Variants in RBM12 observed in about 807,000 individuals in gnomAD.
RBM12 encodes RNA-binding protein 12.
Under a neutral mutation model 37.2 loss-of-function variants are expected in RBM12, and 24 were observed. That is an observed-to-expected ratio of 0.65 (90% CI 0.47 to 0.91). The LOEUF (loss-of-function observed/expected upper bound fraction) is 0.91. Ranked by LOEUF, RBM12 falls within the 40% of genes least tolerant of loss-of-function variation. RBM12 has a pLI of 0.00. For missense variants in RBM12, 1,061 were observed against 1,183.2 expected (o/e 0.90, Z 1.52); for synonymous variants, 420 against 425.2 (o/e 0.99, Z 0.15).
At position 35,652,899 on chromosome 20, in the gene RBM12, G is replaced by A; in HGVS notation, c.2424C>T (p.Gly808=). 1 of 1,613,646 alleles carries A rather than the reference G, an allele frequency of 6.2e-7. No individual in the cohort carries two copies. The highest frequency in any genetic ancestry group is 8.5e-7 in the Non-Finnish European group (1 of 1,179,970). The change falls in exon 3 of 3, where the codon GGC becomes GGT. Residue 808 remains glycine, a synonymous_variant. Transcript: ENST00000374114. ...CAGGGGCACTTCCAAGACCAGGAGG[G>A]CCACTTCCAAACCCCGGGGGACCGC... is the stretch of plus-strand genomic sequence containing the variant. ...SLGGPPGFGS[G]PPGLGSAPGH... is the part of the protein sequence containing the mutation.
At chr20:35,659,134 A>G (rs1275110460) in intron 1 of RBM12, 120 bp from the exon 2 acceptor site, 2 of 378,544 alleles carry the variant, frequency 5.3e-6, no homozygotes, top group African/African-American at 2.3e-5. Flanking sequence ...ATTAGAATGC[A>G]TATCAAAAAA....
intron 1 of RBM12, 95 bp downstream of exon 1, chr20:35,664,665 G>C (rs949510151): frequency 6.6e-6 from 1 of 152,412 alleles, no homozygotes; most frequent in African/African-American, 2.4e-5. Context: ...TAGTTGCCGC[G>C]GGCTCGAAGG....
In RBM12 at chr20:35,654,672, C is replaced by T; in HGVS notation, c.651G>A (p.Leu217=). The T allele has an allele frequency of 1.9e-6, 3 of 1,613,366 alleles. No homozygotes were observed. The highest frequency in any genetic ancestry group is 2.5e-6 in the Non-Finnish European group (3 of 1,179,462). ...PIPVPPPVPT[L]PPVPPVPPIP... is the part of the protein sequence containing the mutation. ...TCGGGGGCACAGGAGGCACAGGAGG[C>T]AATGTAGGTACTGGAGGAGGAACTG... is the stretch of plus-strand genomic sequence containing the variant. Residue 217 remains leucine, a synonymous_variant, in exon 3 of 3, where the codon TTG becomes TTA. Coordinates refer to ENST00000374114, the MANE Select transcript of RBM12 (RefSeq NM_006047.6).
intron 1 of RBM12, among the ~76,000 whole-genome samples, chr20:35,662,754 G>T (rs2034303446): frequency 6.6e-6 from 1 of 152,174 alleles, no homozygotes; most frequent in African/African-American, 2.4e-5. Context: ...CACACCTAAA[G>T]ACTGTACTAA....
rs954139420 is a variant in RBM12, at chr20:35,650,145, G to C, written c.*2379C>G. ...TAAATCTCAGATACACAAAAATCAA[G>C]TTCCAGAGGGCAAAGCATTTAATTA... On this transcript the variant is annotated 3_prime_UTR_variant, in exon 3 of 3. Coordinates refer to ENST00000374114, the MANE Select transcript of RBM12 (RefSeq NM_006047.6). The C allele has an allele frequency of 1.3e-5, 2 of 152,546 alleles. No homozygotes were observed. The highest frequency in any genetic ancestry group is 2.9e-5 in the Non-Finnish European group (2 of 67,988). 9.4% of individuals were successfully genotyped at this position (152,546 alleles called of 1,614,324 possible).
At position 35,652,535 on chromosome 20, in the gene RBM12, C is replaced by G. The variant is rs746733758; in HGVS notation, c.2788G>C (p.Val930Leu). Residue 930 changes from valine to leucine, a missense_variant, in exon 3 of 3, where the codon GTA (valine) becomes CTA (leucine). This residue lies in a region of RBM12 where 517 missense variants were observed against 534.0 expected (regional missense o/e 0.97). Transcript: ENST00000374114. The stretch of plus-strand genomic sequence containing the variant: ...AATGATGTGAATGGCTACCCTAATA[C>G]AAGTTTTACTTTTCTTGAACCTATA... Reference protein sequence around the residue: ...RPIGSRKVKLVLG With the variant: ...RPIGSRKVKLLLG 13 of 1,610,202 alleles carry G rather than the reference C, an allele frequency of 8.1e-6. No homozygotes were observed.
At chr20:35,658,802 A>AACACACAC (rs10542710) in intron 2 of RBM12, 128 bp downstream of exon 2, 256 of 473,544 alleles carry the variant, frequency 5.4e-4, no homozygotes, top group African/African-American at 1.6e-3. Context: ...AGCAAACAAA[A>AACACACAC]ACACACACAC....
At chr20:35,663,654 C>T (rs1479885624) in intron 1 of RBM12, among the ~76,000 whole-genome samples, 1 of 152,162 alleles carries the variant, frequency 6.6e-6, no homozygotes, top group Non-Finnish European at 1.5e-5. Context: ...TGACACCACG[C>T]AGATGAGTAA....
rs912712495 is a variant in RBM12 at position 35,649,498 on chromosome 20, C to T, written c.*3026G>A. 3.9e-5 allele frequency: 6 copies of T among 152,550 alleles called. No individual in the cohort carries two copies. Among genetic ancestry groups the T allele is most frequent in the Non-Finnish European group, 5.9e-5 (4 of 68,016 alleles). 9.4% of individuals were successfully genotyped at this position (152,550 alleles called of 1,614,324 possible). Reference sequence around the variant, plus strand: ...GAAATTTTAAATAAAGTTTCCTAATCGAATTTTCATTGTTGATGCTTTGAC... The same window carrying T: ...GAAATTTTAAATAAAGTTTCCTAATTGAATTTTCATTGTTGATGCTTTGAC... On this transcript the variant is annotated 3_prime_UTR_variant, in exon 3 of 3. Transcript: ENST00000374114.
At chr20:35,656,449 T>A (rs1428147666) in intron 2 of RBM12, among the ~76,000 whole-genome samples, 1 of 152,196 alleles carries the variant, frequency 6.6e-6, no homozygotes, top group Non-Finnish European at 1.5e-5. Flanking sequence ...CAAACCGAAT[T>A]ATTGGGCCTG....
In RBM12 at chr20:35,650,115, G is replaced by C. The variant is rs1400797427; in HGVS notation, c.*2409C>G. 2 of 152,558 alleles carry C rather than the reference G, an allele frequency of 1.3e-5. No individual in the cohort carries two copies. Among genetic ancestry groups the C allele is most frequent in the African/African-American group, 4.8e-5 (2 of 41,430 alleles). 9.5% of individuals were successfully genotyped at this position (152,558 alleles called of 1,614,324 possible). ...AACAGTATCCTTAGCAGTTAGCACT[G>C]TTAATAAATCTCAGATACACAAAAA... On this transcript the variant is annotated 3_prime_UTR_variant, in exon 3 of 3. Transcript: ENST00000374114.
chr20:35,659,083 T>C, intron 1 of RBM12, 69 bp from the exon 2 acceptor site: 1 of 634,902 alleles, frequency 1.6e-6, no homozygotes, highest in East Asian at 2.9e-5. Context: ...CAGGCCACAC[T>C]GTACATTACG....
At position 35,654,261 on chromosome 20, in the gene RBM12, T is replaced by C. The variant is rs2033746655; in HGVS notation, c.1062A>G (p.Gln354=). The change falls in exon 3 of 3, where the codon CAA becomes CAG. Residue 354 remains glutamine, a synonymous_variant. Coordinates refer to ENST00000374114, the MANE Select transcript of RBM12 (RefSeq NM_006047.6). ...GNGLVKFLSP[Q]DTFEALKRNR... is the part of the protein sequence containing the mutation. ...TTCGTTTCAAAGCTTCAAATGTATC[T>C]TGAGGGGAGAGAAACTTAACCAATC... 2 of 1,614,184 alleles carry C rather than the reference T, an allele frequency of 1.2e-6. No homozygotes were observed. Among genetic ancestry groups the C allele is most frequent in the Non-Finnish European group, 1.7e-6 (2 of 1,180,034 alleles).
Position 35,658,917 on chromosome 20 carries a change from C to G in RBM12, c.-23+13G>C. On this transcript the variant is annotated intron_variant, in intron 2 of 2. Coordinates refer to ENST00000374114, the MANE Select transcript of RBM12 (RefSeq NM_006047.6). ...TTTGTATAAAAACGAACTCTCTATT[C>G]AAAATCTCTTACCTGATAAAACAAG... is the stretch of plus-strand genomic sequence containing the variant. 1.4e-6 allele frequency: 1 copy of G among 713,074 alleles called. No homozygotes were observed. Among genetic ancestry groups the G allele is most frequent in the South Asian group, 1.5e-5 (1 of 66,612 alleles). The allele number at this position is 713,074 out of a possible 1,614,324, so 44.2% of individuals were successfully genotyped here.
At chr20:35,664,234 A>G (rs1327856557) in intron 1 of RBM12, 1 of 152,250 alleles carries the variant, frequency 6.6e-6, no homozygotes, top group African/African-American at 2.4e-5. Context: ...CTGAACTCAC[A>G]GGAGTGTACC....
In RBM12 at chr20:35,652,294, C is replaced by T; in HGVS notation, c.*230G>A. The stretch of plus-strand genomic sequence containing the variant: ...ACAAATGGTTTCTCTAATGGTATGC[C>T]AAAATCATTTATGTGTTCTCTCCAG... On this transcript the variant is annotated 3_prime_UTR_variant, in exon 3 of 3. Transcript: ENST00000374114. 2.2e-6 allele frequency: 1 copy of T among 463,018 alleles called. No individual in the cohort carries two copies. Among genetic ancestry groups the T allele is most frequent in the Non-Finnish European group, 3.8e-6 (1 of 263,850 alleles). 28.7% of individuals were successfully genotyped at this position (463,018 alleles called of 1,614,324 possible). A position where few individuals can be genotyped will look rare whatever the true frequency, so the allele number is the denominator to read the frequency against.
At position 35,655,186 on chromosome 20, in the gene RBM12, A is replaced by G; in HGVS notation, c.137T>C (p.Val46Ala). The change falls in exon 3 of 3, where the codon GTT becomes GCT. Residue 46 changes from valine to alanine, a missense_variant. By Grantham distance (64) the Val-to-Ala change is moderately conservative (BLOSUM62 0). Around this residue, in one of 3 missense-constraint regions of RBM12, gnomAD observed 540 missense variants for 632.7 expected, o/e 0.85. Transcript: ENST00000374114. ...CCTTGCATCTTCATCAGTGGCAAAA[A>G]CGATGAAAGCCTCACCCAGTTCACC... ...VGGELGEAFI[V>A]FATDEDARLG... 1 of 1,614,188 alleles carries G rather than the reference A, an allele frequency of 6.2e-7. No individual in the cohort carries two copies. The highest frequency in any genetic ancestry group is 8.5e-7 in the Non-Finnish European group (1 of 1,180,038).
intron 2 of RBM12, 26 bp downstream of exon 2, chr20:35,658,903 AC>A (rs1192782048): frequency 2.8e-6 from 2 of 711,422 alleles, no homozygotes; most frequent in Admixed American, 4.1e-5. Flanking sequence ...TTGTATAAAA[AC>A]GAACTCTCTA....
intron 2 of RBM12, among the ~76,000 whole-genome samples, chr20:35,656,357 G>A (rs1481141317): frequency 6.6e-6 from 1 of 152,106 alleles, no homozygotes; most frequent in Non-Finnish European, 1.5e-5. Context: ...AATCAAAAAA[G>A]AAATGTTCCC....
Sources: gnomAD v4.1 joint callset for allele counts (sites outside exome capture counted in the v4.1 genomes callset) on GRCh38, gnomAD v4.1.1 for gene constraint, gnomAD v4.1.1 regional missense constraint, MANE v1.5 for transcripts, NCBI Gene and HGNC (gene_info 2026-07-23, HGNC 2026-07-21) for gene names.